PARD3B: variants seen among roughly 807,000 people sequenced by gnomAD.
PARD3B encodes partitioning defective 3 homolog B.
PARD3B carries 103 observed loss-of-function variants against 130.2 expected under a neutral mutation model. The observed-to-expected ratio is 0.79, with a 90% CI of 0.67 to 0.93. PARD3B has a LOEUF of 0.93. PARD3B is among the 40% of genes least tolerant of loss of function. PARD3B has a pLI of 0.00. For missense variants in PARD3B, 1,609 were observed against 1,499.2 expected, an observed-to-expected ratio of 1.07 and a Z score of -1.21; for synonymous variants, 583 against 553.2, an observed-to-expected ratio of 1.05 and a Z score of -0.76.
Position 205,047,643 on chromosome 2 carries a change from C to T in PARD3B, c.457C>T (p.Pro153Ser), listed in dbSNP as rs1470136864. ...GCCAGGCCCACCTGCTGATACCCAGCCAAGCGCTTCACACCCTGGTGGCCA... is the reference window on the plus strand; with the variant it reads ...GCCAGGCCCACCTGCTGATACCCAGTCAAGCGCTTCACACCCTGGTGGCCA... Reference protein sequence around the residue: ...PVPGPPADTQPSASHPGGQSL... With the variant: ...PVPGPPADTQSSASHPGGQSL... Residue 153 changes from proline to serine, a missense_variant, in exon 4 of 23, where the codon CCA becomes TCA. Physicochemically the swap from Pro to Ser is moderately conservative, Grantham distance 74. Coordinates refer to ENST00000406610, the MANE Select transcript of PARD3B (RefSeq NM_001302769.2). The T allele has an allele frequency of 1.0e-5, 16 of 1,550,892 alleles. No individual in the cohort carries two copies. Among genetic ancestry groups the T allele is most frequent in the Non-Finnish European group, 1.3e-5 (15 of 1,146,838 alleles).
chr2:205,166,026 T>A (rs1389994235), intron 11 of PARD3B, among the ~76,000 whole-genome samples: 1 of 152,116 alleles, frequency 6.6e-6, no homozygotes, highest in African/African-American at 2.4e-5. Context: ...TAGTTACAAT[T>A]TGTAGATGAA....
chr2:205,359,559 A>G (rs966130178), intron 18 of PARD3B, among the ~76,000 whole-genome samples: 1 of 152,148 alleles, frequency 6.6e-6, no homozygotes, highest in African/African-American at 2.4e-5. Context: ...TTTAATCCTT[A>G]ATCTATACTC....
intron 10 of PARD3B, among the ~76,000 whole-genome samples, chr2:205,129,008 A>G (rs1175252414): frequency 1.3e-5 from 2 of 152,328 alleles, no homozygotes; most frequent in Admixed American, 1.3e-4. Flanking sequence ...TTAACTGTGC[A>G]ACTGTGAGAT....
chr2:205,535,274 GC>G (rs2106442314), intron 21 of PARD3B, among the ~76,000 whole-genome samples: 1 of 152,300 alleles, frequency 6.6e-6, no homozygotes, highest in Admixed American at 6.5e-5. Flanking sequence ...TCCTTGTGCA[GC>G]TGTGCCTTAG....
intron 18 of PARD3B, among the ~76,000 whole-genome samples, chr2:205,393,260 C>T (rs2045918779): frequency 6.6e-6 from 1 of 152,174 alleles, no homozygotes; most frequent in Admixed American, 6.5e-5. Context: ...GGCCTATGAA[C>T]TTCTCTGCCC....
In PARD3B at chr2:205,327,015, C is replaced by G. The variant is rs141713049; in HGVS notation, c.2630+25314C>G. Reference sequence around the variant, plus strand: ...ACCAAATAGTTCTGTAATGTAGGGTCTTTAACTTTTGATATCTTAGTCTGA... The same window carrying G: ...ACCAAATAGTTCTGTAATGTAGGGTGTTTAACTTTTGATATCTTAGTCTGA... On this transcript the variant is annotated intron_variant, in intron 18 of 22. Transcript: ENST00000406610. 3.3e-5 allele frequency among the ~76,000 whole-genome samples: 5 copies of G among 152,244 alleles called. No individual in the cohort carries two copies. In the East Asian group the frequency reaches 9.6e-4, roughly 29 times the overall value.
chr2:205,545,633 C>T (rs1279903882), intron 21 of PARD3B, among the ~76,000 whole-genome samples: 2 of 152,148 alleles, frequency 1.3e-5, no homozygotes, highest in Non-Finnish European at 2.9e-5. Context: ...GCCTCTCCAT[C>T]ACAGCAGCTT....
chr2:204,608,782 G>T (rs1449147648), intron 1 of PARD3B, among the ~76,000 whole-genome samples: 1 of 152,194 alleles, frequency 6.6e-6, no homozygotes, highest in South Asian at 2.1e-4. Flanking sequence ...CTTTTGCAGT[G>T]TGATGATATT....
chr2:204,843,562 G>A (rs1190922366), intron 2 of PARD3B, among the ~76,000 whole-genome samples: 1 of 151,916 alleles, frequency 6.6e-6, no homozygotes, highest in Non-Finnish European at 1.5e-5. Flanking sequence ...GCTAATTTTT[G>A]TATTTTCATT....
At chr2:204,688,392 A>C (rs2037188700) in intron 2 of PARD3B, among the ~76,000 whole-genome samples, 1 of 151,994 alleles carries the variant, frequency 6.6e-6, no homozygotes. Context: ...ATCCTGGCTA[A>C]CACAGTGAAA....
Position 204,724,848 on chromosome 2 carries a change from T to C in PARD3B, c.222+38566T>C, listed in dbSNP as rs935901373. On this transcript the variant is annotated intron_variant, in intron 2 of 22. Transcript: ENST00000406610. The stretch of plus-strand genomic sequence containing the variant: ...GTCATCGAATAGTGGGGGGCGGGGG[T>C]GGGTAGGGGGAAGACAGGATGGCTG... Among the ~76,000 whole-genome samples, 408 of 57,916 alleles carry C rather than the reference T, an allele frequency of 7.0e-3. 1 individual carries two copies. The highest frequency in any genetic ancestry group is 0.023 in the African/African-American group (364 of 16,010). 38.0% of individuals were successfully genotyped at this position (57,916 alleles called of 152,430 possible). A position where few individuals can be genotyped will look rare whatever the true frequency, so the allele number is the denominator to read the frequency against.
At chr2:204,617,873 A>G (rs2034167604) in intron 1 of PARD3B, among the ~76,000 whole-genome samples, 2 of 152,134 alleles carry the variant, frequency 1.3e-5, no homozygotes, top group African/African-American at 4.8e-5. Context: ...AAAGGACATG[A>G]TCTCATTCTT....
At chr2:204,919,088 C>T (rs551454940) in intron 2 of PARD3B, among the ~76,000 whole-genome samples, 3 of 152,220 alleles carry the variant, frequency 2.0e-5, no homozygotes, top group African/African-American at 7.2e-5. Context: ...TAACATTGAA[C>T]TTTATTTGCT....
At chr2:204,976,993 T>A (rs1296098161) in intron 3 of PARD3B, among the ~76,000 whole-genome samples, 1 of 152,136 alleles carries the variant, frequency 6.6e-6, no homozygotes, top group East Asian at 1.9e-4. Context: ...TGTTCTCTCT[T>A]TTTCACGAAT....
At chr2:204,557,039 G>A (rs2030975392) in intron 1 of PARD3B, among the ~76,000 whole-genome samples, 2 of 151,276 alleles carry the variant, frequency 1.3e-5, no homozygotes, top group Non-Finnish European at 2.9e-5. Flanking sequence ...TCTCACCCAG[G>A]GGCTTTTCAG....
intron 18 of PARD3B, among the ~76,000 whole-genome samples, chr2:205,359,284 G>A (rs2044304491): frequency 6.6e-6 from 1 of 152,022 alleles, no homozygotes; most frequent in Non-Finnish European, 1.5e-5. Context: ...GTACAACTTT[G>A]GAAAATCACT....
rs913640218 is a variant in PARD3B, at chr2:205,241,486, T to C, written c.2141-4292T>C. Among the ~76,000 whole-genome samples, 2 of 152,184 alleles carry C rather than the reference T, an allele frequency of 1.3e-5. No homozygotes were observed. The highest frequency in any genetic ancestry group is 4.8e-5 in the African/African-American group (2 of 41,456). On this transcript the variant is annotated intron_variant, in intron 15 of 22. Transcript: ENST00000406610. The surrounding 1 kb of genome is among the most constrained non-coding windows in gnomAD (Gnocchi z 4.2). ...ATTGGTATCTCTTCAATTATTGTAA[T>C]ATCCATTTACGATAATCAAGAGCAA... is the stretch of plus-strand genomic sequence containing the variant.
At chr2:204,640,011 T>C (rs2035017018) in intron 1 of PARD3B, among the ~76,000 whole-genome samples, 1 of 152,046 alleles carries the variant, frequency 6.6e-6, no homozygotes, top group African/African-American at 2.4e-5. Context: ...GTTAACACTT[T>C]GGGAGGCCGA....
rs143401438 is a variant in PARD3B at position 204,548,116 on chromosome 2, A to T, written c.120+1997A>T. Among the ~76,000 whole-genome samples, 1,005 of 152,256 alleles carry T rather than the reference A, an allele frequency of 6.6e-3. 16 individuals carry two copies. The highest frequency in any genetic ancestry group is 0.023 in the African/African-American group (951 of 41,556). On this transcript the variant is annotated intron_variant, in intron 1 of 22. Coordinates refer to ENST00000406610, the MANE Select transcript of PARD3B (RefSeq NM_001302769.2). Reference sequence around the variant, plus strand: ...CTCCCATAGTTTTATTTTAAATAATATTGTAATCATAACAAGATTTAACGA... The same window carrying T: ...CTCCCATAGTTTTATTTTAAATAATTTTGTAATCATAACAAGATTTAACGA...
Sources: allele counts gnomAD v4.1 joint callset (sites outside exome capture counted in the v4.1 genomes callset), GRCh38; gene constraint gnomAD v4.1.1; non-coding constraint Gnocchi (gnomAD v3.1); transcripts MANE v1.5; gene names NCBI Gene and HGNC (gene_info 2026-07-23, HGNC 2026-07-21).